Variants in ART1 observed in about 807,000 individuals in gnomAD.
ART1 encodes the protein ADP-ribosyltransferase 1.
A neutral mutation model predicts 27.0 loss-of-function variants in ART1; 29 were observed. The observed-to-expected ratio is 1.08, with a 90% CI of 0.80 to 1.47. The LOEUF is 1.47. ART1 is among the 40% of genes most tolerant of loss of function. The probability of loss-of-function intolerance (pLI) is 0.00; values close to 1 mark genes in which losing one functional copy is unlikely to be tolerated. For missense variants in ART1, 480 were observed against 423.0 expected, an observed-to-expected ratio of 1.13 and a Z score of -1.18; for synonymous variants, 201 against 172.2, an observed-to-expected ratio of 1.17 and a Z score of -1.31.
rs145731293 is a variant in ART1 at position 3,648,119 on chromosome 11, C to A, written c.-53+2940C>A. On this transcript the variant is annotated intron_variant, in intron 1 of 4. Coordinates refer to ENST00000250693, the MANE Select transcript of ART1 (RefSeq NM_004314.3). ...TGAGCACCTTGTGACCCCCACTCTG[C>A]CTGCCAGAGAACAACCCCCCTTTGA... Among the ~76,000 whole-genome samples, 1,180 of 152,210 alleles carry A rather than the reference C, an allele frequency of 7.8e-3. 7 individuals are homozygous for A. Among genetic ancestry groups the A allele is most frequent in the Non-Finnish European group, 0.013 (878 of 68,028 alleles).
At position 3,660,124 on chromosome 11, in the gene ART1, C is replaced by T. The variant is rs745586244; in HGVS notation, c.605C>T (p.Ser202Phe). ...ACCGTGAGGCTGGGGGGCTTTGCTT[C>T]TGCCTCCCTGAAGCATGTTGCAGCC... ...RATVRLGGFA[S>F]ASLKHVAAQQ... The change falls in exon 3 of 5, where the codon TCT becomes TTT. Residue 202 changes from serine to phenylalanine, a missense_variant. Coordinates refer to ENST00000250693, the MANE Select transcript of ART1 (RefSeq NM_004314.3). The T allele has an allele frequency of 1.2e-6, 2 of 1,613,918 alleles. No individual in the cohort carries two copies. Among genetic ancestry groups the T allele is most frequent in the Middle Eastern group, 1.6e-4 (1 of 6,062 alleles).
chr11:3,649,308 G>A (rs982570540), intron 1 of ART1, among the ~76,000 whole-genome samples: 4 of 152,160 alleles, frequency 2.6e-5, no homozygotes, highest in Non-Finnish European at 5.9e-5. Flanking sequence ...CTCGACAGTG[G>A]TTCCAAATAG....
chr11:3,655,706 T>C (rs1425047878), intron 1 of ART1: 1 of 152,192 alleles, frequency 6.6e-6, no homozygotes, highest in Non-Finnish European at 1.5e-5. Context: ...GGAAGGCCTC[T>C]GATTGGCCTT....
chr11:3,648,301 G>A (rs918635611), intron 1 of ART1, among the ~76,000 whole-genome samples: 27 of 152,164 alleles, frequency 1.8e-4, no homozygotes, highest in African/African-American at 2.9e-4. Context: ...ACACGGACGC[G>A]CATGAAATTT....
rs149229160 is a variant in ART1, at chr11:3,660,065, C to T, written c.546C>T (p.His182=). 524 of 1,613,446 alleles carry T rather than the reference C, an allele frequency of 3.2e-4. No homozygotes were observed. Among genetic ancestry groups the T allele is most frequent in the Non-Finnish European group, 4.3e-4 (505 of 1,179,916 alleles). ...PRCHQVFRGV[H]GLRFRPAGPR... ...GCCACCAGGTGTTCCGAGGTGTGCA[C>T]GGCCTGCGCTTCCGGCCAGCAGGGC... The change falls in exon 3 of 5, where the codon CAC becomes CAT. Residue 182 remains histidine (H), a synonymous_variant. Coordinates refer to ENST00000250693, the MANE Select transcript of ART1 (RefSeq NM_004314.3).
chr11:3,651,316 C>G (rs1438997998), intron 1 of ART1, among the ~76,000 whole-genome samples: 1 of 151,108 alleles, frequency 6.6e-6, no homozygotes. Context: ...GCTTCACAGA[C>G]AGCCCCCATT....
chr11:3,647,637 A>G (rs1032581246), intron 1 of ART1, among the ~76,000 whole-genome samples: 2 of 151,458 alleles, frequency 1.3e-5, no homozygotes, highest in African/African-American at 4.9e-5. Context: ...CTGTCTCAAA[A>G]TAAATAAATA....
chr11:3,664,067 A>G (rs753016617), intron 4 of ART1, 25 bp from the exon 5 acceptor site: 6 of 1,609,408 alleles, frequency 3.7e-6, no homozygotes, highest in Non-Finnish European at 3.4e-6. Context: ...CTCTCCCCCA[A>G]CCTCTCTGCC....
intron 4 of ART1, chr11:3,663,844 G>A: frequency 2.3e-6 from 1 of 435,452 alleles, no homozygotes; most frequent in Non-Finnish European, 4.1e-6. Context: ...GCAGTGGGGG[G>A]ACTGTACATC....
intron 1 of ART1, among the ~76,000 whole-genome samples, chr11:3,649,003 C>CA (rs200291646): frequency 4.7e-4 from 48 of 102,568 alleles, no homozygotes; most frequent in Middle Eastern, 5.1e-3. Context: ...CTCTGTGCCC[C>CA]ATCCCTTATT....
chr11:3,660,887 G>A (rs369782776), intron 3 of ART1, among the ~76,000 whole-genome samples: 1 of 152,182 alleles, frequency 6.6e-6, no homozygotes, highest in South Asian at 2.1e-4. Context: ...CTCAGGCTGT[G>A]GTCAGGAAGT....
At position 3,659,870 on chromosome 11, in the gene ART1, C is replaced by T. The variant is rs2077604394; in HGVS notation, c.351C>T (p.Ala117=). 6.2e-7 allele frequency: 1 copy of T among 1,612,708 alleles called. No individual in the cohort carries two copies. The highest frequency in any genetic ancestry group is 8.5e-7 in the Non-Finnish European group (1 of 1,179,618). The part of the protein sequence containing the change: ...PLGFRDEHGV[A]LLAYTANSPL... ...GCTTCCGCGATGAGCATGGGGTGGC[C>T]CTCCTGGCCTACACAGCCAACAGCC... Residue 117 remains alanine, a synonymous_variant, in exon 3 of 5, where the codon GCC becomes GCT. Transcript: ENST00000250693.
intron 2 of ART1, 101 bp downstream of exon 2, chr11:3,659,377 G>C (rs900444438): frequency 6.5e-7 from 1 of 1,538,416 alleles, no homozygotes; most frequent in Non-Finnish European, 8.9e-7. Context: ...AATGCCCGAC[G>C]CTTCCCCTGG....
intron 1 of ART1, chr11:3,655,407 C>G (rs1194417059): frequency 1.3e-5 from 2 of 152,236 alleles, no homozygotes; most frequent in Admixed American, 1.3e-4. Context: ...CTCTATGGGA[C>G]AGGAAGTCTG....
intron 1 of ART1, among the ~76,000 whole-genome samples, chr11:3,653,816 C>T (rs2077549306): frequency 7.0e-6 from 1 of 143,796 alleles, no homozygotes; most frequent in Non-Finnish European, 1.5e-5. Flanking sequence ...CTGCCATTCT[C>T]CCATCAGACA....
intron 1 of ART1, among the ~76,000 whole-genome samples, chr11:3,651,063 G>A (rs539764523): frequency 1.6e-3 from 238 of 152,192 alleles, no homozygotes; most frequent in African/African-American, 5.3e-3. Flanking sequence ...AAGGCTTACA[G>A]GTTAGTTCAG....
chr11:3,647,368 G>A (rs945923089), intron 1 of ART1, among the ~76,000 whole-genome samples: 2 of 150,866 alleles, frequency 1.3e-5, no homozygotes, highest in Admixed American at 1.3e-4. Context: ...GGGTGCGGTG[G>A]CTCAGGCCTA....
chr11:3,655,204 T>A (rs2077562503), intron 1 of ART1, among the ~76,000 whole-genome samples: 1 of 152,160 alleles, frequency 6.6e-6, no homozygotes, highest in South Asian at 2.1e-4. Context: ...TAAAGAAGAA[T>A]CTTCCAAAGA....
intron 1 of ART1, among the ~76,000 whole-genome samples, chr11:3,650,651 T>C (rs1376175175): frequency 2.0e-5 from 3 of 152,112 alleles, no homozygotes; most frequent in Non-Finnish European, 2.9e-5. Flanking sequence ...ACAATACTCT[T>C]TTAAGCACTC....
Sources: allele counts gnomAD v4.1 joint callset (sites outside exome capture counted in the v4.1 genomes callset), GRCh38; gene constraint gnomAD v4.1.1; transcripts MANE v1.5; gene names NCBI Gene and HGNC (gene_info 2026-07-23, HGNC 2026-07-21).